ITGA2: variants seen among roughly 807,000 people sequenced by gnomAD.
ITGA2 encodes the protein integrin alpha-2.
In ITGA2, 101 loss-of-function variants were observed where a neutral mutation model predicts 146.3. The observed-to-expected ratio is 0.69, with a 90% confidence interval of 0.59 to 0.81. ITGA2 has a LOEUF of 0.81. Among genes scored for constraint, ITGA2 ranks in the 40% least tolerant of loss-of-function variants. ITGA2 has a pLI of 0.00. For missense variants in ITGA2, 1,281 were observed against 1,402.7 expected, an observed-to-expected ratio of 0.91 and a Z score of 1.39; for synonymous variants, 477 against 487.1, an observed-to-expected ratio of 0.98 and a Z score of 0.27.
rs1217034179 is a variant in ITGA2, at chr5:53,093,197, ACT to A, written c.*2601_*2602del. The stretch of plus-strand genomic sequence containing the variant: ...ACAATTATAGCACATCCTTCCTTTT[ACT>A]CTGTCTCACCTCCTTTAGGTGAGTA... On this transcript the variant is annotated 3_prime_UTR_variant, in exon 30 of 30. Coordinates refer to ENST00000296585, the MANE Select transcript of ITGA2 (RefSeq NM_002203.4). 3 of 152,110 alleles carry A rather than the reference ACT, an allele frequency of 2.0e-5. No homozygotes were observed. The highest frequency in any genetic ancestry group is 2.1e-4 in the South Asian group (1 of 4,826). The allele number at this position is 152,110 out of a possible 1,614,324, so 9.4% of individuals were successfully genotyped here. A position where few individuals can be genotyped will look rare whatever the true frequency, so the allele number is the denominator to read the frequency against.
intron 27 of ITGA2, 87 bp from the exon 28 acceptor site, chr5:53,086,865 G>A: frequency 9.3e-7 from 1 of 1,078,004 alleles, no homozygotes; most frequent in Non-Finnish European, 1.4e-6. Context: ...ATTCCACCAG[G>A]AAATAAATAC....
chr5:53,002,313 T>G (rs992656721), intron 1 of ITGA2, among the ~76,000 whole-genome samples: 42 of 152,282 alleles, frequency 2.8e-4, no homozygotes, highest in African/African-American at 9.4e-4. Flanking sequence ...AATACTAAAC[T>G]TGATTAATAA....
rs377187970 is a variant in ITGA2 at position 53,007,674 on chromosome 5, A to G, written c.64+18142A>G. 1.2e-3 allele frequency among the ~76,000 whole-genome samples: 180 copies of G among 152,290 alleles called. 2 individuals carry two copies. In the South Asian group the frequency reaches 0.028, roughly 23 times the overall value. ...TTCCTCTCAGCCACTGAGAGACGGCAAGTCTACCAGATGGTGGCTTACCCT... is the reference window on the plus strand; with the variant it reads ...TTCCTCTCAGCCACTGAGAGACGGCGAGTCTACCAGATGGTGGCTTACCCT... On this transcript the variant is annotated intron_variant, in intron 1 of 29. Coordinates refer to ENST00000296585, the MANE Select transcript of ITGA2 (RefSeq NM_002203.4).
intron 26 of ITGA2, among the ~76,000 whole-genome samples, 174 bp downstream of exon 26, chr5:53,081,870 G>A (rs1393136643): frequency 6.6e-6 from 1 of 152,140 alleles, no homozygotes; most frequent in Non-Finnish European, 1.5e-5. Flanking sequence ...ATACGATTTT[G>A]AAACCCACAA....
chr5:53,048,301 G>T (rs754247573), intron 4 of ITGA2, 62 bp from the exon 5 acceptor site: 302 of 1,182,632 alleles, frequency 2.6e-4, no homozygotes, highest in Non-Finnish European at 3.7e-4. Context: ...CTCCATAATG[G>T]AGAGGTAGAA....
In ITGA2 at chr5:53,044,274, C is replaced by CAAAAAAAAAAAAAAAAAAAAAAAAAAA. The variant is rs11421419; in HGVS notation, c.296-721_296-695dup. ...TGGATGACAGAGTGAGACTCTGTCT[C>CAAAAAAAAAAAAAAAAAAAAAAAAAAA]AAAAAAAAAAAAAAAAAAAAAAAAA... On this transcript the variant is annotated intron_variant, in intron 3 of 29. Transcript: ENST00000296585. Among the ~76,000 whole-genome samples the CAAAAAAAAAAAAAAAAAAAAAAAAAAA allele has an allele frequency of 7.9e-5, 3 of 37,772 alleles. 1 individual carries two copies. Among genetic ancestry groups the CAAAAAAAAAAAAAAAAAAAAAAAAAAA allele is most frequent in the African/African-American group, 3.1e-4 (2 of 6,554 alleles). 24.8% of individuals were successfully genotyped at this position (37,772 alleles called of 152,430 possible).
chr5:53,039,791 T>G (rs1022243294), intron 2 of ITGA2, among the ~76,000 whole-genome samples: 6 of 151,536 alleles, frequency 4.0e-5, no homozygotes, highest in African/African-American at 1.5e-4. Context: ...TAACTTTTCC[T>G]TAATCAGGAA....
chr5:53,060,298 A>G (rs999922212), intron 11 of ITGA2, among the ~76,000 whole-genome samples: 2 of 151,982 alleles, frequency 1.3e-5, no homozygotes, highest in Non-Finnish European at 2.9e-5. Context: ...AAGTCAATAC[A>G]GTAAGTGATA....
chr5:53,087,965 C>T (rs560195645), intron 28 of ITGA2, among the ~76,000 whole-genome samples: 70 of 152,312 alleles, frequency 4.6e-4, no homozygotes, highest in Admixed American at 3.6e-3. Context: ...AAGCTCACAG[C>T]ACTGGAGCCC....
Position 53,072,652 on chromosome 5 carries a change from A to C in ITGA2, c.2386A>C (p.Ile796Leu), listed in dbSNP as rs780403608. Residue 796 changes from isoleucine (I) to leucine (L), a missense_variant, in exon 19 of 30, where the codon ATT becomes CTT. By Grantham distance (5) the Ile-to-Leu change is conservative. Around this residue, in one of 3 missense-constraint regions of ITGA2, gnomAD observed 475 missense variants for 530.5 expected, o/e 0.90. Coordinates refer to ENST00000296585, the MANE Select transcript of ITGA2 (RefSeq NM_002203.4). Reference protein sequence around the residue: ...HKDCGEDGLCISDLVLDVRQI... With the variant: ...HKDCGEDGLCLSDLVLDVRQI... The stretch of plus-strand genomic sequence containing the variant: ...AGACTGTGGTGAGGACGGACTTTGC[A>C]TTTCTGATCTAGTCCTAGATGTCCG... 5 of 1,611,002 alleles carry C rather than the reference A, an allele frequency of 3.1e-6. 1 individual carries two copies. Among genetic ancestry groups the C allele is most frequent in the Non-Finnish European group, 3.4e-6 (4 of 1,178,572 alleles).
intron 1 of ITGA2, among the ~76,000 whole-genome samples, chr5:53,001,507 C>CT (rs1326868850): frequency 2.6e-5 from 4 of 152,142 alleles, no homozygotes; most frequent in African/African-American, 9.7e-5. Context: ...TTGGATTTCA[C>CT]TTTTCAGATC....
In ITGA2 at chr5:53,093,071, C is replaced by G. The variant is rs1424301399; in HGVS notation, c.*2472C>G. On this transcript the variant is annotated 3_prime_UTR_variant, in exon 30 of 30. Transcript: ENST00000296585. The stretch of plus-strand genomic sequence containing the variant: ...AGTGAGCCGAGATCGCGCCACTGCA[C>G]TCCAGCCTGGGTGACAGGGCAAGAC... 2 of 152,218 alleles carry G rather than the reference C, an allele frequency of 1.3e-5. No homozygotes were observed. The highest frequency in any genetic ancestry group is 2.9e-5 in the Non-Finnish European group (2 of 68,140). The allele number at this position is 152,218 out of a possible 1,614,324, so 9.4% of individuals were successfully genotyped here. A position where few individuals can be genotyped will look rare whatever the true frequency, so the allele number is the denominator to read the frequency against.
At chr5:53,020,045 G>A (rs1377447883) in intron 1 of ITGA2, among the ~76,000 whole-genome samples, 1 of 152,048 alleles carries the variant, frequency 6.6e-6, no homozygotes, top group African/African-American at 2.4e-5. Flanking sequence ...TCTACTGGAG[G>A]GATGGGAGGA....
In ITGA2 at chr5:53,059,876, T is replaced by A. The variant is rs144998443; in HGVS notation, c.1176T>A (p.Asp392Glu). The A allele has an allele frequency of 1.9e-6, 3 of 1,611,950 alleles. No individual in the cohort carries two copies. Among genetic ancestry groups the A allele is most frequent in the Non-Finnish European group, 2.5e-6 (3 of 1,178,702 alleles). Residue 392 changes from aspartate (D) to glutamate (E), a missense_variant and splice_region_variant, in exon 11 of 30, where the codon GAT becomes GAA. Physicochemically the swap from Asp to Glu is conservative, Grantham distance 45. Coordinates refer to ENST00000296585, the MANE Select transcript of ITGA2 (RefSeq NM_002203.4). ...GFSADYSSQN[D>E]ILMLGAVGAF... ...TCTTCATTTTTCAATTATTTTAGGA[T>A]ATTCTGATGCTGGGTGCAGTGGGAG...
chr5:53,070,353 T>A (rs1235429634), intron 17 of ITGA2, 93 bp downstream of exon 17: 1 of 1,215,900 alleles, frequency 8.2e-7, no homozygotes, highest in African/African-American at 1.5e-5. Context: ...AGTTAGAAAA[T>A]GCTCACCCTT....
intron 1 of ITGA2, among the ~76,000 whole-genome samples, chr5:52,999,707 A>T (rs1399507390): frequency 6.6e-6 from 1 of 152,164 alleles, no homozygotes; most frequent in Non-Finnish European, 1.5e-5. Context: ...GGGAGATGTT[A>T]CCTCATTCTT....
Position 53,062,876 on chromosome 5 carries a change from A to G in ITGA2, c.1549A>G (p.Met517Val), listed in dbSNP as rs780902769. 2 of 1,611,598 alleles carry G rather than the reference A, an allele frequency of 1.2e-6. No homozygotes were observed. Among genetic ancestry groups the G allele is most frequent in the Non-Finnish European group, 1.7e-6 (2 of 1,178,316 alleles). The change falls in exon 13 of 30, where the codon ATG (methionine) becomes GTG (valine). Residue 517 changes from methionine to valine, a missense_variant. Transcript: ENST00000296585. ...DVLLVGAPMYMSDLKKEEGRV... is the reference protein window; with the variant it reads ...DVLLVGAPMYVSDLKKEEGRV... ...GCTCTTGGTAGGTGCACCAATGTAC[A>G]TGAGTGACCTAAAGAAAGAGGAAGG...
chr5:53,007,661 A>C (rs1579789474), intron 1 of ITGA2, among the ~76,000 whole-genome samples: 1 of 152,198 alleles, frequency 6.6e-6, no homozygotes, highest in South Asian at 2.1e-4. Flanking sequence ...CCTCTCAGCC[A>C]CTGAGAGACG....
Position 53,055,978 on chromosome 5 carries a change from T to G in ITGA2, c.931-6T>G, listed in dbSNP as rs1198386777. The G allele has an allele frequency of 6.2e-7, 1 of 1,608,042 alleles. No individual in the cohort carries two copies. Among genetic ancestry groups the G allele is most frequent in the South Asian group, 1.1e-5 (1 of 90,608 alleles). ...TGACTGCACATTCTCTTCCTCTATT[T>G]TCAAGGTTCTTGGGTACTTAAACAG... On this transcript the variant is annotated splice_polypyrimidine_tract_variant and splice_region_variant and intron_variant, in intron 8 of 29. Transcript: ENST00000296585.
Sources: allele counts gnomAD v4.1 joint callset (sites outside exome capture counted in the v4.1 genomes callset), GRCh38; gene constraint gnomAD v4.1.1; regional missense constraint gnomAD v4.1.1; transcripts MANE v1.5; gene names NCBI Gene and HGNC (gene_info 2026-07-23, HGNC 2026-07-21).